The following FAAH2 variants were observed in gnomAD, a reference collection of about 807,000 sequenced individuals.
FAAH2 encodes fatty-acid amide hydrolase 2.
Under a neutral mutation model 36.9 loss-of-function variants are expected in FAAH2, and 60 were observed. The ratio of observed to expected loss-of-function variants is 1.63; its 90% CI spans 1.32 to 2.02. The LOEUF (loss-of-function observed/expected upper bound fraction) is 2.02. Among genes scored for constraint, FAAH2 ranks in the 30% most tolerant of loss-of-function variants. FAAH2 has a pLI of 0.00. For missense variants in FAAH2, 689 were observed against 397.5 expected, an observed-to-expected ratio of 1.73 and a Z score of -6.23; for synonymous variants, 214 against 143.8, an observed-to-expected ratio of 1.49 and a Z score of -3.49.
intron 2 of FAAH2, among the ~76,000 whole-genome samples, chrX:57,301,035 C>A (rs950600680): frequency 4.5e-5 from 5 of 110,359 alleles, no homozygotes; most frequent in African/African-American, 6.6e-5. Flanking sequence ...TAGTTCAACC[C>A]TTGTGGAAGT....
At chrX:57,154,408 C>T in the FAAH2 span, among the ~76,000 whole-genome samples, 1 of 107,241 alleles carries the variant, frequency 9.3e-6, no homozygotes, top group African/African-American at 3.4e-5. Flanking sequence ...GGACTACAGG[C>T]ACCCACGACC....
intron 8 of FAAH2, among the ~76,000 whole-genome samples, chrX:57,439,669 C>T (rs1342984178): frequency 9.0e-6 from 1 of 111,731 alleles, no homozygotes; most frequent in African/African-American, 3.3e-5. Flanking sequence ...GACATGAAGT[C>T]CTTGCACATG....
the FAAH2 span, among the ~76,000 whole-genome samples, chrX:57,193,578 G>A: frequency 6.3e-5 from 7 of 111,132 alleles, no homozygotes; most frequent in South Asian, 7.6e-4. Context: ...GGAGCATCAC[G>A]GAACCTACCG....
intron 7 of FAAH2, among the ~76,000 whole-genome samples, chrX:57,408,602 T>A (rs1263255026): frequency 1.8e-5 from 2 of 110,037 alleles, no homozygotes; most frequent in Admixed American, 9.8e-5. Flanking sequence ...TCCAGTGACA[T>A]GTTGAATAGA....
At chrX:57,454,815 C>A (rs1266192140) in intron 10 of FAAH2, among the ~76,000 whole-genome samples, 4 of 111,266 alleles carry the variant, frequency 3.6e-5, no homozygotes, top group Non-Finnish European at 7.6e-5. Flanking sequence ...TGTAAAGATA[C>A]CAAATGTATG....
intron 5 of FAAH2, among the ~76,000 whole-genome samples, chrX:57,361,289 T>G (rs1034480434): frequency 2.1e-4 from 23 of 111,485 alleles, no homozygotes; most frequent in Non-Finnish European, 3.8e-4. Flanking sequence ...TACTGGCATA[T>G]AGTTATTCAT....
rs745415604 is a variant in FAAH2, at chrX:57,444,438, G to T, written c.1117-2490G>T. ...ACAGGATATGATTTCCTGGTGTGCCGTTTGCTAACGCCATTGGAAAAGCAC... is the reference window on the plus strand; with the variant it reads ...ACAGGATATGATTTCCTGGTGTGCCTTTTGCTAACGCCATTGGAAAAGCAC... On this transcript the variant is annotated intron_variant, in intron 8 of 10. Transcript: ENST00000374900. Among the ~76,000 whole-genome samples the T allele has an allele frequency of 3.6e-5, 4 of 112,053 alleles. No individual in the cohort carries two copies. The South Asian group carries it at 1.1e-3, about 31-fold the overall frequency.
chrX:57,197,056 T>C, the FAAH2 span, among the ~76,000 whole-genome samples: 49,950 of 110,437 alleles, frequency 0.45, 11,334 homozygotes, highest in African/African-American at 0.88. Context: ...TTCCTGGATG[T>C]TTTTTTATTT....
the FAAH2 span, among the ~76,000 whole-genome samples, chrX:57,174,119 T>A: frequency 1.2e-4 from 13 of 111,720 alleles, no homozygotes; most frequent in Admixed American, 1.1e-3. Context: ...CTTCTCAATC[T>A]TTTGGAATAG....
chrX:57,312,129 G>A (rs1280189943), intron 3 of FAAH2, among the ~76,000 whole-genome samples: 4 of 112,462 alleles, frequency 3.6e-5, no homozygotes, highest in Non-Finnish European at 7.5e-5. Context: ...ATTGATCACA[G>A]GGGGCTCTCC....
At chrX:57,199,937 G>A in the FAAH2 span, among the ~76,000 whole-genome samples, 6 of 110,583 alleles carry the variant, frequency 5.4e-5, no homozygotes, top group Admixed American at 3.8e-4. Flanking sequence ...AATTAATATC[G>A]AATACGTTTT....
chrX:57,437,014 A>G (rs1569343881), intron 8 of FAAH2, among the ~76,000 whole-genome samples: 1 of 111,219 alleles, frequency 9.0e-6, no homozygotes, highest in African/African-American at 3.3e-5. Flanking sequence ...TCAACATCAT[A>G]ACAAAAAGAT....
At chrX:57,446,305 T>C (rs1002018365) in intron 8 of FAAH2, among the ~76,000 whole-genome samples, 1 of 112,092 alleles carries the variant, frequency 8.9e-6, no homozygotes, top group South Asian at 3.7e-4. Context: ...TTGGTTCTTA[T>C]GAATGTGTTT....
chrX:57,328,992 A>G (rs1156673966), intron 3 of FAAH2, among the ~76,000 whole-genome samples: 2 of 111,560 alleles, frequency 1.8e-5, no homozygotes, highest in Non-Finnish European at 3.8e-5. Context: ...TGGTCATAAT[A>G]CTTCAATGGG....
the FAAH2 span, chrX:57,229,378 C>T: frequency 8.9e-6 from 1 of 112,051 alleles, no homozygotes; most frequent in East Asian, 2.8e-4. Flanking sequence ...TCTAAAAAAC[C>T]TTGAGACACA....
intron 7 of FAAH2, among the ~76,000 whole-genome samples, chrX:57,410,762 T>G (rs1276166863): frequency 9.8e-5 from 11 of 111,964 alleles, no homozygotes; most frequent in Non-Finnish European, 1.9e-5. Flanking sequence ...AGAATTTCTT[T>G]TCCTTTCTCT....
the FAAH2 span, among the ~76,000 whole-genome samples, chrX:57,249,849 A>G: frequency 8.9e-6 from 1 of 112,367 alleles, no homozygotes; most frequent in Admixed American, 9.5e-5. Context: ...TGGATGAATC[A>G]TGAAGACTAA....
chrX:57,444,036 C>A (rs1052950841), intron 8 of FAAH2, among the ~76,000 whole-genome samples: 5 of 111,958 alleles, frequency 4.5e-5, no homozygotes, highest in African/African-American at 9.8e-5. Context: ...GAGCTGTCTC[C>A]CAGTTAGGCT....
intron 5 of FAAH2, among the ~76,000 whole-genome samples, chrX:57,372,659 T>G (rs2054580546): frequency 8.9e-6 from 1 of 111,866 alleles, no homozygotes; most frequent in East Asian, 2.8e-4. Context: ...ACTAATTAAT[T>G]AGTTTTATTG....
Sources: allele counts gnomAD v4.1 joint callset (sites outside exome capture counted in the v4.1 genomes callset), GRCh38; gene constraint gnomAD v4.1.1; transcripts MANE v1.5; gene names NCBI Gene and HGNC (gene_info 2026-07-23, HGNC 2026-07-21).